The following XPR1 variants were observed in gnomAD, a reference collection of about 807,000 sequenced individuals.
The protein encoded by XPR1 is solute carrier family 53 member 1.
A neutral mutation model predicts 87.5 loss-of-function variants in XPR1; 28 were observed. That is an observed-to-expected ratio of 0.32 (90% CI 0.24 to 0.44). The LOEUF (loss-of-function observed/expected upper bound fraction) is 0.44. XPR1 is among the 20% of genes least tolerant of loss of function. The pLI, the probability that XPR1 is intolerant of heterozygous loss-of-function variation, is 1.00. For missense variants in XPR1, 559 were observed against 862.3 expected (o/e 0.65, Z 4.41); for synonymous variants, 300 against 306.1 (o/e 0.98, Z 0.21).
intron 2 of XPR1, among the ~76,000 whole-genome samples, chr1:180,727,475 C>T (rs1658394071): frequency 6.6e-6 from 1 of 152,094 alleles, no homozygotes; most frequent in East Asian, 1.9e-4. Context: ...GAAACCCTGC[C>T]TCTACTAGAA....
At chr1:180,756,533 C>T (rs996709933) in intron 2 of XPR1, among the ~76,000 whole-genome samples, 4 of 152,092 alleles carry the variant, frequency 2.6e-5, no homozygotes, top group Middle Eastern at 3.2e-3. Context: ...ACAAGTCCTT[C>T]GTCAGTTGTA....
intron 2 of XPR1, among the ~76,000 whole-genome samples, chr1:180,749,385 A>G (rs924531542): frequency 6.6e-6 from 1 of 152,184 alleles, no homozygotes; most frequent in Admixed American, 6.5e-5. Flanking sequence ...AAGTTATGAT[A>G]TATATCTTTG....
chr1:180,699,146 T>C (rs547574895), intron 2 of XPR1, among the ~76,000 whole-genome samples: 9 of 152,074 alleles, frequency 5.9e-5, no homozygotes, highest in African/African-American at 1.9e-4. Flanking sequence ...AGAATTAGAA[T>C]ATTTGTCTGC....
intron 2 of XPR1, among the ~76,000 whole-genome samples, chr1:180,746,176 A>G (rs1434467291): frequency 6.6e-6 from 1 of 152,012 alleles, no homozygotes; most frequent in African/African-American, 2.4e-5. Context: ...GTGAAGTTTC[A>G]GATTTTAGTG....
intron 2 of XPR1, among the ~76,000 whole-genome samples, chr1:180,759,916 A>G (rs1647934264): frequency 6.6e-6 from 1 of 152,220 alleles, no homozygotes; most frequent in Admixed American, 6.5e-5. Flanking sequence ...CTTATCCACC[A>G]TGATCAAGTG....
At chr1:180,772,642 T>C (rs904360102) in intron 2 of XPR1, among the ~76,000 whole-genome samples, 1 of 152,186 alleles carries the variant, frequency 6.6e-6, no homozygotes, top group Admixed American at 6.5e-5. Flanking sequence ...GTCTTTCCCA[T>C]GCTCTTCTCA....
At chr1:180,796,974 A>C (rs1374009999) in intron 3 of XPR1, among the ~76,000 whole-genome samples, 1 of 152,168 alleles carries the variant, frequency 6.6e-6, no homozygotes, top group African/African-American at 2.4e-5. Flanking sequence ...ATCAGCAGAG[A>C]CAGAATACAG....
At chr1:180,675,541 A>T (rs1053073207) in intron 1 of XPR1, among the ~76,000 whole-genome samples, 3 of 152,204 alleles carry the variant, frequency 2.0e-5, no homozygotes, top group Non-Finnish European at 4.4e-5. Flanking sequence ...TTTCACAATT[A>T]TAACAGAAAT....
chr1:180,799,442 A>G (rs544972160), intron 3 of XPR1, among the ~76,000 whole-genome samples: 1 of 152,162 alleles, frequency 6.6e-6, no homozygotes, highest in South Asian at 2.1e-4. Flanking sequence ...TAGGCCATCT[A>G]TTTCTGGGTA....
At chr1:180,685,961 A>G (rs1044772806) in intron 2 of XPR1, among the ~76,000 whole-genome samples, 4 of 151,920 alleles carry the variant, frequency 2.6e-5, no homozygotes, top group Non-Finnish European at 5.9e-5. Context: ...TTAATTTTTG[A>G]AGGGTTTTTT....
chr1:180,791,779 A>G (rs1472948379), intron 3 of XPR1, among the ~76,000 whole-genome samples: 2 of 152,190 alleles, frequency 1.3e-5, no homozygotes, highest in African/African-American at 4.8e-5. Context: ...GATTTTTTAA[A>G]TGCTAATTAT....
chr1:180,764,682 C>G (rs571193113), intron 2 of XPR1, among the ~76,000 whole-genome samples: 1 of 151,890 alleles, frequency 6.6e-6, no homozygotes, highest in South Asian at 2.1e-4. Flanking sequence ...GTTGCCCAGG[C>G]TGGTCTTAAA....
intron 2 of XPR1, among the ~76,000 whole-genome samples, chr1:180,774,285 A>G (rs961961484): frequency 3.3e-5 from 5 of 152,160 alleles, no homozygotes; most frequent in Admixed American, 3.3e-4. Context: ...GAATTTTGCA[A>G]CAAAGATGTA....
At chr1:180,632,295 A>G in intron 1 of XPR1, 25 bp downstream of exon 1, 1 of 1,603,646 alleles carries the variant, frequency 6.2e-7, no homozygotes, top group Admixed American at 1.7e-5. Flanking sequence ...GGGGTGTGGG[A>G]GGACTCGGAG....
intron 3 of XPR1, among the ~76,000 whole-genome samples, chr1:180,798,238 A>T (rs1649658145): frequency 6.6e-6 from 1 of 152,178 alleles, no homozygotes; most frequent in Non-Finnish European, 1.5e-5. Context: ...ATTAAAATTG[A>T]CTAGGCATTT....
At chr1:180,786,608 A>T (rs1399474660) in intron 2 of XPR1, among the ~76,000 whole-genome samples, 1 of 152,176 alleles carries the variant, frequency 6.6e-6, no homozygotes. Context: ...CAGTAGGTTG[A>T]TAGGCTATGT....
At chr1:180,716,604 A>C (rs1335163793) in intron 2 of XPR1, among the ~76,000 whole-genome samples, 2 of 152,014 alleles carry the variant, frequency 1.3e-5, no homozygotes, top group East Asian at 3.9e-4. Flanking sequence ...CTGTTGCTTT[A>C]TTTTTGGCTC....
At chr1:180,882,713 G>A (rs1292553714) in intron 14 of XPR1, among the ~76,000 whole-genome samples, 1 of 152,078 alleles carries the variant, frequency 6.6e-6, no homozygotes, top group Non-Finnish European at 1.5e-5. Context: ...GCTGAAATGT[G>A]CTTCACTGTA....
intron 6 of XPR1, among the ~76,000 whole-genome samples, chr1:180,808,705 C>T (rs1650091032): frequency 6.6e-6 from 1 of 152,108 alleles, no homozygotes; most frequent in Non-Finnish European, 1.5e-5. Flanking sequence ...TGCTCAATAT[C>T]ATTAGGCATT....
Sources: gnomAD v4.1 joint callset for allele counts (sites outside exome capture counted in the v4.1 genomes callset) on GRCh38, gnomAD v4.1.1 for gene constraint, MANE v1.5 for transcripts, NCBI Gene and HGNC (gene_info 2026-07-23, HGNC 2026-07-21) for gene names.